Variants in BRIP1 observed in about 807,000 individuals in gnomAD.
The protein encoded by BRIP1 is Fanconi anemia group J protein.
A neutral mutation model predicts 119.7 loss-of-function variants in BRIP1; 88 were observed. That is an observed-to-expected ratio of 0.74 (90% CI 0.62 to 0.88). The LOEUF is 0.88. BRIP1 is among the 40% of genes least tolerant of loss of function. The probability of loss-of-function intolerance (pLI) is 0.00; values close to 1 mark genes in which losing one functional copy is unlikely to be tolerated. For missense variants in BRIP1, 1,259 were observed against 1,455.4 expected, an observed-to-expected ratio of 0.87 and a Z score of 2.20; for synonymous variants, 443 against 496.5, an observed-to-expected ratio of 0.89 and a Z score of 1.43.
rs1280897779 is a variant in BRIP1 at position 61,803,258 on chromosome 17, CT to C, written c.919-1785del. ...ACAAGTGCATCACCACATATGGCTC[CT>C]TTTTTGTAGAGACAGGGTTTTGTCA... On this transcript the variant is annotated intron_variant, in intron 7 of 19. Coordinates refer to ENST00000259008, the MANE Select transcript of BRIP1 (RefSeq NM_032043.3). This position sits in a 1 kb window ranked among gnomAD's most constrained non-coding sequence, Gnocchi z 4.3. 6.6e-6 allele frequency among the ~76,000 whole-genome samples: 1 copy of C among 152,044 alleles called. No individual in the cohort carries two copies. Among genetic ancestry groups the C allele is most frequent in the African/African-American group, 2.4e-5 (1 of 41,414 alleles).
Position 61,861,910 on chromosome 17 carries a change from C to A in BRIP1, c.-30-341G>T. ...TGTGCAAATATGATAAAGTACATAC[C>A]AGATTAAACATGAGCTCTTGTAACA... On this transcript the variant is annotated intron_variant, in intron 1 of 19. Transcript: ENST00000259008. The surrounding 1 kb of genome is among the most constrained non-coding windows in gnomAD (Gnocchi z 4.5). 3.2e-6 allele frequency: 1 copy of A among 312,810 alleles called. No individual in the cohort carries two copies. The highest frequency in any genetic ancestry group is 4.7e-5 in the Admixed American group (1 of 21,314). The allele number at this position is 312,810 out of a possible 1,614,324, so 19.4% of individuals were successfully genotyped here.
Position 61,819,307 on chromosome 17 carries a change from G to A in BRIP1, c.628-10550C>T, listed in dbSNP as rs185449827. ...AATGTAGATTAGTACAACCACTATC[G>A]AGAACAATTTGGAAATTCCTCAAAA... On this transcript the variant is annotated intron_variant, in intron 6 of 19. Transcript: ENST00000259008. Among the ~76,000 whole-genome samples the A allele has an allele frequency of 1.6e-3, 245 of 152,074 alleles. 1 individual carries two copies. The highest frequency in any genetic ancestry group is 3.4e-3 in the Middle Eastern group (1 of 292).
rs1004001582 is a variant in BRIP1 at position 61,843,612 on chromosome 17, C to T, written c.627+3489G>A. On this transcript the variant is annotated intron_variant, in intron 6 of 19. Coordinates refer to ENST00000259008, the MANE Select transcript of BRIP1 (RefSeq NM_032043.3). The surrounding 1 kb of genome is among the most constrained non-coding windows in gnomAD (Gnocchi z 5.7). Reference sequence around the variant, plus strand: ...CTGGTTATTTAAAACAGTGTGGAACCTCCTCTGCTCTCTCCTCTGTCCTCT... The same window carrying T: ...CTGGTTATTTAAAACAGTGTGGAACTTCCTCTGCTCTCTCCTCTGTCCTCT... Among the ~76,000 whole-genome samples the T allele has an allele frequency of 1.3e-5, 2 of 152,056 alleles. No homozygotes were observed. Among genetic ancestry groups the T allele is most frequent in the African/African-American group, 4.8e-5 (2 of 41,408 alleles).
In BRIP1 at chr17:61,690,313, T is replaced by C. The variant is rs2061429308; in HGVS notation, c.2575+3117A>G. On this transcript the variant is annotated intron_variant, in intron 18 of 19. Transcript: ENST00000259008. This position sits in a 1 kb window ranked among gnomAD's most constrained non-coding sequence, Gnocchi z 5.6. ...ACTTTAATATAACAACAGTGATACA[T>C]AAATAATGTTTAATTCTATACAGAA... Among the ~76,000 whole-genome samples, 1 of 152,172 alleles carries C rather than the reference T, an allele frequency of 6.6e-6. No homozygotes were observed. The highest frequency in any genetic ancestry group is 2.1e-4 in the South Asian group (1 of 4,824).
In BRIP1 at chr17:61,756,772, T is replaced by C. The variant is rs967865758; in HGVS notation, c.2098-12181A>G. Among the ~76,000 whole-genome samples the C allele has an allele frequency of 6.6e-6, 1 of 152,186 alleles. No individual in the cohort carries two copies. Among genetic ancestry groups the C allele is most frequent in the Non-Finnish European group, 1.5e-5 (1 of 68,018 alleles). On this transcript the variant is annotated intron_variant, in intron 14 of 19. Coordinates refer to ENST00000259008, the MANE Select transcript of BRIP1 (RefSeq NM_032043.3). This position sits in a 1 kb window ranked among gnomAD's most constrained non-coding sequence, Gnocchi z 4.3. ...TAACTCAAAGCCTCTTTTTGAAACTTTAGAAAGTGCAAATTGCATTAAGAC... is the reference window on the plus strand; with the variant it reads ...TAACTCAAAGCCTCTTTTTGAAACTCTAGAAAGTGCAAATTGCATTAAGAC...
chr17:61,794,863 A>G lies in BRIP1; in HGVS notation c.1341-1134T>C, dbSNP rs1567826100. The stretch of plus-strand genomic sequence containing the variant: ...AATGCAAAAAGTATCCAGTCATGGG[A>G]GAATCAGAAGAAAAGAAATATCCAA... On this transcript the variant is annotated intron_variant, in intron 9 of 19. Coordinates refer to ENST00000259008, the MANE Select transcript of BRIP1 (RefSeq NM_032043.3). The surrounding 1 kb of genome is among the most constrained non-coding windows in gnomAD (Gnocchi z 4.3). Among the ~76,000 whole-genome samples the G allele has an allele frequency of 1.8e-5, 1 of 55,880 alleles. No homozygotes were observed. Among genetic ancestry groups the G allele is most frequent in the Non-Finnish European group, 3.6e-5 (1 of 28,044 alleles). 36.7% of individuals were successfully genotyped at this position (55,880 alleles called of 152,430 possible).
At position 61,848,599 on chromosome 17, in the gene BRIP1, T is replaced by C. The variant is rs1194888273; in HGVS notation, c.507+530A>G. Among the ~76,000 whole-genome samples the C allele has an allele frequency of 6.6e-6, 1 of 152,208 alleles. No homozygotes were observed. The highest frequency in any genetic ancestry group is 6.6e-5 in the Admixed American group (1 of 15,260). ...CCATGAATTCTGAGAAAATATTGTGTTCATCTGCATCCAAATTTCATTTAA... is the reference window on the plus strand; with the variant it reads ...CCATGAATTCTGAGAAAATATTGTGCTCATCTGCATCCAAATTTCATTTAA... On this transcript the variant is annotated intron_variant, in intron 5 of 19. Transcript: ENST00000259008. The surrounding 1 kb of genome is among the most constrained non-coding windows in gnomAD (Gnocchi z 4.3).
intron 6 of BRIP1, among the ~76,000 whole-genome samples, chr17:61,819,619 C>T (rs1156235001): frequency 1.3e-5 from 2 of 151,964 alleles, no homozygotes; most frequent in Non-Finnish European, 2.9e-5. Flanking sequence ...GTAAAATAAG[C>T]CAGGCACAGA....
At chr17:61,800,951 A>G (rs935705012) in intron 8 of BRIP1, among the ~76,000 whole-genome samples, 6 of 152,220 alleles carry the variant, frequency 3.9e-5, no homozygotes, top group Non-Finnish European at 8.8e-5. Context: ...TTCAAAACAT[A>G]GTTTTTTCAG....
At chr17:61,685,550 A>AT (rs921492413) in intron 19 of BRIP1, 2,036 of 432,476 alleles carry the variant, frequency 4.7e-3, no homozygotes, top group South Asian at 6.5e-3. Flanking sequence ...CTAGGCAGGC[A>AT]TTTTTTTTTT....
In BRIP1 at chr17:61,701,817, T is replaced by A. The variant is rs957282377; in HGVS notation, c.2493-8305A>T. 6.6e-6 allele frequency among the ~76,000 whole-genome samples: 1 copy of A among 152,202 alleles called. No individual in the cohort carries two copies. Among genetic ancestry groups the A allele is most frequent in the Non-Finnish European group, 1.5e-5 (1 of 68,028 alleles). On this transcript the variant is annotated intron_variant, in intron 17 of 19. Coordinates refer to ENST00000259008, the MANE Select transcript of BRIP1 (RefSeq NM_032043.3). The surrounding 1 kb of genome is among the most constrained non-coding windows in gnomAD (Gnocchi z 5.1). ...GAGTCAGGTCAAATAAAGATAGCCT[T>A]GTGAGTGGGGTCTTCCAGGAAACTC...
At position 61,753,203 on chromosome 17, in the gene BRIP1, G is replaced by A. The variant is rs576525990; in HGVS notation, c.2098-8612C>T. ...AGAGTTCCCACCAGCAAGAAGGCCC[G>A]CACCAGATGCAGCCTCTCAGTCTTG... On this transcript the variant is annotated intron_variant, in intron 14 of 19. Coordinates refer to ENST00000259008, the MANE Select transcript of BRIP1 (RefSeq NM_032043.3). This position sits in a 1 kb window ranked among gnomAD's most constrained non-coding sequence, Gnocchi z 4.6. Among the ~76,000 whole-genome samples the A allele has an allele frequency of 3.3e-5, 5 of 152,236 alleles. No individual in the cohort carries two copies. Among genetic ancestry groups the A allele is most frequent in the African/African-American group, 1.2e-4 (5 of 41,560 alleles).
At position 61,757,363 on chromosome 17, in the gene BRIP1, A is replaced by T. The variant is rs2077214428; in HGVS notation, c.2098-12772T>A. Among the ~76,000 whole-genome samples the T allele has an allele frequency of 6.6e-6, 1 of 152,308 alleles. No homozygotes were observed. The highest frequency in any genetic ancestry group is 2.4e-5 in the African/African-American group (1 of 41,572). ...TCAAACTTTCAATGAACACAGGTGC[A>T]GTTGGAGGTGCACTTGGAGGAATAA... On this transcript the variant is annotated intron_variant, in intron 14 of 19. Coordinates refer to ENST00000259008, the MANE Select transcript of BRIP1 (RefSeq NM_032043.3). This position sits in a 1 kb window ranked among gnomAD's most constrained non-coding sequence, Gnocchi z 4.3.
rs1234138348 is a variant in BRIP1 at position 61,746,549 on chromosome 17, T to C, written c.2098-1958A>G. Among the ~76,000 whole-genome samples, 1 of 151,108 alleles carries C rather than the reference T, an allele frequency of 6.6e-6. No individual in the cohort carries two copies. The highest frequency in any genetic ancestry group is 1.9e-4 in the East Asian group (1 of 5,150). On this transcript the variant is annotated intron_variant, in intron 14 of 19. Transcript: ENST00000259008. The surrounding 1 kb of genome is among the most constrained non-coding windows in gnomAD (Gnocchi z 4.9). The stretch of plus-strand genomic sequence containing the variant: ...GACAGCAGAGGTGGCAATTCTAAGA[T>C]ACTAAATAGATTCTAAGTCAAAAAT...
At position 61,743,679 on chromosome 17, in the gene BRIP1, T is replaced by A. The variant is rs2077017001; in HGVS notation, c.2258-545A>T. ...ACTATCCCTTCACATCAAACTTTTT[T>A]ATTTTATTTTATTATTTTTTGTGTG... On this transcript the variant is annotated intron_variant, in intron 15 of 19. Transcript: ENST00000259008. The surrounding 1 kb of genome is among the most constrained non-coding windows in gnomAD (Gnocchi z 4.3). Among the ~76,000 whole-genome samples, 1 of 152,120 alleles carries A rather than the reference T, an allele frequency of 6.6e-6. No individual in the cohort carries two copies. Among genetic ancestry groups the A allele is most frequent in the Non-Finnish European group, 1.5e-5 (1 of 67,992 alleles).
In BRIP1 at chr17:61,701,879, A is replaced by G. The variant is rs141656267; in HGVS notation, c.2493-8367T>C. ...ACATAATTCTCTGGAAATGTACTCC[A>G]GACCTGTTTTGCTCCCTCCAATGAC... On this transcript the variant is annotated intron_variant, in intron 17 of 19. Coordinates refer to ENST00000259008, the MANE Select transcript of BRIP1 (RefSeq NM_032043.3). The surrounding 1 kb of genome is among the most constrained non-coding windows in gnomAD (Gnocchi z 5.1). Among the ~76,000 whole-genome samples, 1,270 of 152,294 alleles carry G rather than the reference A, an allele frequency of 8.3e-3. 7 individuals carry two copies. The highest frequency in any genetic ancestry group is 0.014 in the Middle Eastern group (4 of 294).
Position 61,693,617 on chromosome 17 carries a change from C to A in BRIP1, c.2493-105G>T, listed in dbSNP as rs915572553. 1 of 909,442 alleles carries A rather than the reference C, an allele frequency of 1.1e-6. No homozygotes were observed. Among genetic ancestry groups the A allele is most frequent in the African/African-American group, 1.7e-5 (1 of 60,262 alleles). 56.3% of individuals were successfully genotyped at this position (909,442 alleles called of 1,614,324 possible). A position where few individuals can be genotyped will look rare whatever the true frequency, so the allele number is the denominator to read the frequency against. ...GGAAAAAAATCAATTTTATAGATTCCTTTAAACAATTTGTTATTATCAGAA... is the reference window on the plus strand; with the variant it reads ...GGAAAAAAATCAATTTTATAGATTCATTTAAACAATTTGTTATTATCAGAA... On this transcript the variant is annotated intron_variant, in intron 17 of 19. Coordinates refer to ENST00000259008, the MANE Select transcript of BRIP1 (RefSeq NM_032043.3). This position sits in a 1 kb window ranked among gnomAD's most constrained non-coding sequence, Gnocchi z 4.2.
In BRIP1 at chr17:61,857,140, G is replaced by A. The variant is rs201617644; in HGVS notation, c.297C>T (p.Asp99=). The change falls in exon 4 of 20, where the codon GAC becomes GAT. Residue 99 remains aspartate, a synonymous_variant. Transcript: ENST00000259008. This position sits in a 1 kb window ranked among gnomAD's most constrained non-coding sequence, Gnocchi z 5.1. ...ACHSKDFTNN[D]MNQGTSRHFN... ...AATGACGTGAAGTTCCTTGGTTCATGTCATTGTTTGTAAAATCCTTTGAAT... is the reference window on the plus strand; with the variant it reads ...AATGACGTGAAGTTCCTTGGTTCATATCATTGTTTGTAAAATCCTTTGAAT... 48 of 1,614,064 alleles carry A rather than the reference G, an allele frequency of 3.0e-5. No homozygotes were observed. The East Asian group carries it at 1.0e-3, about 34-fold the overall frequency.
At chr17:61,835,019 A>G (rs2145648120) in intron 6 of BRIP1, among the ~76,000 whole-genome samples, 1 of 152,368 alleles carries the variant, frequency 6.6e-6, no homozygotes, top group East Asian at 1.9e-4. Flanking sequence ...AAGAATAGAC[A>G]GCAGGCAGAA....
Sources: gnomAD v4.1 joint callset for allele counts (sites outside exome capture counted in the v4.1 genomes callset) on GRCh38, gnomAD v4.1.1 for gene constraint, Gnocchi (gnomAD v3.1) non-coding constraint, MANE v1.5 for transcripts, NCBI Gene and HGNC (gene_info 2026-07-23, HGNC 2026-07-21) for gene names.